Variants in PPP3R1 observed in about 807,000 individuals in gnomAD.
The protein encoded by PPP3R1 is protein phosphatase 3 regulatory subunit B, alpha.
A neutral mutation model predicts 22.6 loss-of-function variants in PPP3R1; 5 were observed. The ratio of observed to expected loss-of-function variants is 0.22; its 90% CI spans 0.12 to 0.46. The LOEUF (loss-of-function observed/expected upper bound fraction) is 0.46. Among genes scored for constraint, PPP3R1 ranks in the 20% least tolerant of loss-of-function variants. The probability of loss-of-function intolerance (pLI) is 0.99; values close to 1 mark genes in which losing one functional copy is unlikely to be tolerated. For missense variants in PPP3R1, 61 were observed against 203.2 expected (o/e 0.30, Z 4.25); for synonymous variants, 56 against 65.2 (o/e 0.86, Z 0.68).
intron 1 of PPP3R1, among the ~76,000 whole-genome samples, chr2:68,227,851 T>C (rs1315969910): frequency 1.3e-5 from 2 of 152,056 alleles, no homozygotes; most frequent in East Asian, 3.8e-4. Flanking sequence ...ACTTATTCAT[T>C]AGTACTTTTA....
intron 2 of PPP3R1, among the ~76,000 whole-genome samples, chr2:68,200,948 C>T (rs906542237): frequency 1.1e-4 from 16 of 152,252 alleles, no homozygotes; most frequent in Admixed American, 6.5e-5. Flanking sequence ...TAATGAAAAG[C>T]ATGTATTCAT....
At chr2:68,239,428 T>C (rs918181554) in intron 1 of PPP3R1, among the ~76,000 whole-genome samples, 1 of 152,322 alleles carries the variant, frequency 6.6e-6, no homozygotes, top group East Asian at 1.9e-4. Flanking sequence ...TGTACAAGGT[T>C]TCCAGGTAAA....
At chr2:68,226,155 T>G (rs889021368) in intron 1 of PPP3R1, among the ~76,000 whole-genome samples, 2 of 151,922 alleles carry the variant, frequency 1.3e-5, no homozygotes, top group South Asian at 4.1e-4. Context: ...AGTTAAGGTG[T>G]TGTGGGGTAG....
intron 2 of PPP3R1, among the ~76,000 whole-genome samples, chr2:68,192,805 C>T (rs1279019032): frequency 6.6e-6 from 1 of 152,072 alleles, no homozygotes; most frequent in Non-Finnish European, 1.5e-5. Context: ...CTCGGCAATA[C>T]TTAGCCTCAA....
At chr2:68,193,048 A>G (rs965153820) in intron 2 of PPP3R1, among the ~76,000 whole-genome samples, 1 of 152,176 alleles carries the variant, frequency 6.6e-6, no homozygotes, top group Non-Finnish European at 1.5e-5. Context: ...CTCCCTGGCA[A>G]AGGCCCTTAG....
intron 2 of PPP3R1, among the ~76,000 whole-genome samples, chr2:68,195,181 T>C (rs1674742159): frequency 6.6e-6 from 1 of 152,192 alleles, no homozygotes; most frequent in Admixed American, 6.5e-5. Context: ...TGTAACTTTT[T>C]TGTAATTTCT....
chr2:68,197,102 A>T (rs532738691), intron 2 of PPP3R1, among the ~76,000 whole-genome samples: 1 of 152,322 alleles, frequency 6.6e-6, no homozygotes, highest in South Asian at 2.1e-4. Context: ...ATATGGTTAT[A>T]TAAGTTTTGA....
At chr2:68,198,265 ACAT>A (rs1674851784) in intron 2 of PPP3R1, among the ~76,000 whole-genome samples, 1 of 146,694 alleles carries the variant, frequency 6.8e-6, no homozygotes, top group Admixed American at 6.8e-5. Context: ...ATGTATACAT[ACAT>A]ATGTGTATGC....
At chr2:68,231,629 T>A (rs1437522136) in intron 1 of PPP3R1, among the ~76,000 whole-genome samples, 3 of 152,192 alleles carry the variant, frequency 2.0e-5, no homozygotes, top group Non-Finnish European at 1.5e-5. Context: ...CATGGAGATA[T>A]TTAAAATACG....
chr2:68,235,868 T>C (rs1670009871), intron 1 of PPP3R1, among the ~76,000 whole-genome samples: 1 of 152,220 alleles, frequency 6.6e-6, no homozygotes, highest in Non-Finnish European at 1.5e-5. Context: ...ATCAGTCTTT[T>C]TTGATTATAA....
intron 2 of PPP3R1, among the ~76,000 whole-genome samples, chr2:68,204,346 A>AT (rs1194484077): frequency 7.0e-6 from 1 of 141,846 alleles, no homozygotes; most frequent in African/African-American, 2.7e-5. Flanking sequence ...CTATATATAT[A>AT]TATTCTGATA....
intron 1 of PPP3R1, among the ~76,000 whole-genome samples, chr2:68,227,035 C>A (rs1449550197): frequency 2.0e-5 from 3 of 151,980 alleles, no homozygotes; most frequent in Non-Finnish European, 4.4e-5. Flanking sequence ...CTCTTAAACT[C>A]TACTAGATAA....
chr2:68,207,566 A>C (rs1253281941), intron 2 of PPP3R1, among the ~76,000 whole-genome samples: 1 of 152,218 alleles, frequency 6.6e-6, no homozygotes, highest in Non-Finnish European at 1.5e-5. Flanking sequence ...TCTGGCCCTC[A>C]GTCCCAGATT....
intron 1 of PPP3R1, among the ~76,000 whole-genome samples, chr2:68,234,701 T>G (rs953465500): frequency 1.3e-5 from 2 of 152,204 alleles, no homozygotes; most frequent in African/African-American, 4.8e-5. Flanking sequence ...TACTATTACA[T>G]GGAAACTTTC....
chr2:68,214,427 C>T (rs4671883), intron 2 of PPP3R1, among the ~76,000 whole-genome samples: 32,349 of 151,934 alleles, frequency 0.21, 3,673 homozygotes, highest in Non-Finnish European at 0.25. Context: ...GGAACTTAAA[C>T]CTAAAAGCAA....
chr2:68,232,265 GTATATATA>G (rs10545203), intron 1 of PPP3R1, among the ~76,000 whole-genome samples: 17 of 25,398 alleles, frequency 6.7e-4, no homozygotes, highest in African/African-American at 2.8e-3. Context: ...GTGTGTGTGT[GTATATATA>G]TATACACACA....
intron 2 of PPP3R1, among the ~76,000 whole-genome samples, chr2:68,209,264 CAGG>C (rs1376075324): frequency 1.5e-5 from 2 of 136,172 alleles, no homozygotes; most frequent in African/African-American, 2.7e-5. Flanking sequence ...GAGGCTGAGG[CAGG>C]AGAATGGCGT....
intron 3 of PPP3R1, among the ~76,000 whole-genome samples, chr2:68,188,089 G>C (rs575218456): frequency 6.6e-6 from 1 of 152,292 alleles, no homozygotes; most frequent in South Asian, 2.1e-4. Context: ...AGAATTGCTT[G>C]AACTCAGGAG....
rs577132438 is a variant in PPP3R1, at chr2:68,235,745, G to A, written c.3+16380C>T. On this transcript the variant is annotated intron_variant, in intron 1 of 5. Coordinates refer to ENST00000234310, the MANE Select transcript of PPP3R1 (RefSeq NM_000945.4). ...AGGAATGGAATTACTAGGTCATATGGTAACTCTATGTTTGACATTTTGAGG... is the reference window on the plus strand; with the variant it reads ...AGGAATGGAATTACTAGGTCATATGATAACTCTATGTTTGACATTTTGAGG... Among the ~76,000 whole-genome samples, 27 of 152,174 alleles carry A rather than the reference G, an allele frequency of 1.8e-4. 1 individual carries two copies. Among genetic ancestry groups the A allele is most frequent in the Admixed American group, 1.5e-3 (23 of 15,286 alleles).
Sources: gnomAD v4.1 joint callset for allele counts (sites outside exome capture counted in the v4.1 genomes callset) on GRCh38, gnomAD v4.1.1 for gene constraint, MANE v1.5 for transcripts, NCBI Gene and HGNC (gene_info 2026-07-23, HGNC 2026-07-21) for gene names.